MAD1L1: variants seen among roughly 807,000 people sequenced by gnomAD.
MAD1L1 encodes the protein mitotic arrest deficient 1 like 1, also known as mitotic spindle assembly checkpoint protein MAD1.
A neutral mutation model predicts 96.9 loss-of-function variants in MAD1L1; 95 were observed. That is an observed-to-expected ratio of 0.98 (90% CI 0.83 to 1.16). The LOEUF is 1.16. Among genes scored for constraint, MAD1L1 ranks in the 50% most tolerant of loss-of-function variants. The pLI, the probability that MAD1L1 is intolerant of heterozygous loss-of-function variation, is 0.00. For synonymous variants in MAD1L1, 473 were observed against 396.6 expected (o/e 1.19, Z -2.29); for missense variants, 1,007 against 954.4 (o/e 1.06, Z -0.73).
intron 13 of MAD1L1, among the ~76,000 whole-genome samples, chr7:2,003,245 G>A (rs1189807725): frequency 6.6e-6 from 1 of 152,226 alleles, no homozygotes; most frequent in Non-Finnish European, 1.5e-5. Context: ...ACGGGAGAGA[G>A]GCGGGGAGGC....
intron 5 of MAD1L1, among the ~76,000 whole-genome samples, chr7:2,220,503 G>C (rs868269025): frequency 6.6e-6 from 1 of 152,218 alleles, no homozygotes; most frequent in South Asian, 2.1e-4. Context: ...GTTAACACAC[G>C]GAAACACACG....
chr7:2,174,906 G>A (rs1484038095), intron 10 of MAD1L1, among the ~76,000 whole-genome samples: 1 of 152,138 alleles, frequency 6.6e-6, no homozygotes, highest in Admixed American at 6.5e-5. Context: ...ATGTCTAGGA[G>A]GCTCTGAATG....
intron 5 of MAD1L1, among the ~76,000 whole-genome samples, chr7:2,220,201 G>T (rs148982732): frequency 6.6e-6 from 1 of 152,200 alleles, no homozygotes; most frequent in Non-Finnish European, 1.5e-5. Flanking sequence ...GAGGCCGTGC[G>T]CTTGGAACGG....
intron 18 of MAD1L1, among the ~76,000 whole-genome samples, chr7:1,851,923 G>C (rs1468378596): frequency 1.3e-5 from 2 of 152,196 alleles, no homozygotes; most frequent in Non-Finnish European, 2.9e-5. Context: ...CAGAAACAAT[G>C]GGTGGGACCA....
At chr7:1,955,788 G>C (rs535615362) in intron 16 of MAD1L1, among the ~76,000 whole-genome samples, 2 of 152,208 alleles carry the variant, frequency 1.3e-5, no homozygotes, top group Non-Finnish European at 2.9e-5. Context: ...TGTTTTTAGG[G>C]TTGTCCTGTT....
rs180688173 is a variant in MAD1L1, at chr7:1,967,591, C to A, written c.1506-9872G>T. On this transcript the variant is annotated intron_variant, in intron 15 of 18. Coordinates refer to ENST00000265854, the MANE Select transcript of MAD1L1 (RefSeq NM_001013836.2). ...AGCCACAGGCATACCCAGACCCTGACCTGGGCTGCTCAGGACTGTGCTGCC... is the reference window on the plus strand; with the variant it reads ...AGCCACAGGCATACCCAGACCCTGAACTGGGCTGCTCAGGACTGTGCTGCC... Among the ~76,000 whole-genome samples, 316 of 152,336 alleles carry A rather than the reference C, an allele frequency of 2.1e-3. 5 individuals are homozygous for A. The highest frequency in any genetic ancestry group is 0.014 in the Admixed American group (210 of 15,300).
At chr7:1,933,536 C>A (rs1413032962) in intron 17 of MAD1L1, among the ~76,000 whole-genome samples, 1 of 152,212 alleles carries the variant, frequency 6.6e-6, no homozygotes, top group Non-Finnish European at 1.5e-5. Flanking sequence ...GGTCCACAAA[C>A]GCGCTGAGCA....
chr7:2,077,098 G>A (rs73672088), intron 11 of MAD1L1, among the ~76,000 whole-genome samples: 12 of 135,712 alleles, frequency 8.8e-5, no homozygotes, highest in East Asian at 2.4e-4. Context: ...TGGTGAGCCC[G>A]CGGCATGGTG....
chr7:2,117,221 G>C (rs73673201), intron 11 of MAD1L1, among the ~76,000 whole-genome samples: 5,182 of 152,280 alleles, frequency 0.034, 182 homozygotes, highest in East Asian at 0.089. Context: ...TCAGGGAGGA[G>C]CAAGGCTCTG....
At chr7:2,022,986 C>T (rs56016843) in intron 12 of MAD1L1, among the ~76,000 whole-genome samples, 5,947 of 152,304 alleles carry the variant, frequency 0.039, 174 homozygotes, top group East Asian at 0.088. Context: ...TCCAAGAAGA[C>T]ATGACCGCCC....
intron 13 of MAD1L1, among the ~76,000 whole-genome samples, chr7:2,010,807 C>T (rs1297142285): frequency 1.3e-5 from 2 of 152,136 alleles, no homozygotes; most frequent in African/African-American, 4.8e-5. Context: ...TCACCTGCCC[C>T]GAGAGGCGCC....
At chr7:1,925,497 C>T (rs959878549) in intron 17 of MAD1L1, among the ~76,000 whole-genome samples, 23 of 152,172 alleles carry the variant, frequency 1.5e-4, no homozygotes, top group Non-Finnish European at 4.4e-5. Context: ...TTTCCTGAGG[C>T]GCCATCACAT....
chr7:1,950,502 C>A (rs190215167), intron 16 of MAD1L1, among the ~76,000 whole-genome samples: 1 of 152,198 alleles, frequency 6.6e-6, no homozygotes, highest in African/African-American at 2.4e-5. Context: ...AGGTAATCTG[C>A]GGAGGGCGAC....
intron 15 of MAD1L1, among the ~76,000 whole-genome samples, chr7:1,980,182 G>A (rs1780828805): frequency 6.6e-6 from 1 of 152,280 alleles, no homozygotes; most frequent in East Asian, 1.9e-4. Flanking sequence ...ACCTGAGCGT[G>A]CGCACCTCCC....
chr7:2,019,412 G>A (rs919212272), intron 12 of MAD1L1, among the ~76,000 whole-genome samples: 14 of 152,310 alleles, frequency 9.2e-5, no homozygotes, highest in Middle Eastern at 3.4e-3. Context: ...GACCCACGCG[G>A]GTCAGACAGT....
chr7:2,066,135 A>G (rs1181280190), intron 12 of MAD1L1, among the ~76,000 whole-genome samples: 1 of 152,240 alleles, frequency 6.6e-6, no homozygotes, highest in Non-Finnish European at 1.5e-5. Flanking sequence ...ACACACTCCA[A>G]GCACCGTGTA....
At chr7:2,179,757 G>A (rs932921464) in intron 10 of MAD1L1, among the ~76,000 whole-genome samples, 1 of 152,062 alleles carries the variant, frequency 6.6e-6, no homozygotes, top group Non-Finnish European at 1.5e-5. Context: ...ATCACCTGAG[G>A]TCAGGAGTTT....
chr7:1,903,221 G>A (rs1406697704), intron 17 of MAD1L1, among the ~76,000 whole-genome samples: 1 of 150,428 alleles, frequency 6.6e-6, no homozygotes, highest in Non-Finnish European at 1.5e-5. Flanking sequence ...CATGATTGAT[G>A]AAGCACTGTT....
chr7:1,937,173 G>T (rs2128464139), intron 16 of MAD1L1, among the ~76,000 whole-genome samples: 1 of 152,330 alleles, frequency 6.6e-6, no homozygotes, highest in South Asian at 2.1e-4. Flanking sequence ...GAGGGGACAT[G>T]CGGCCTTTGC....
Sources: gnomAD v4.1 joint callset for allele counts (sites outside exome capture counted in the v4.1 genomes callset) on GRCh38, gnomAD v4.1.1 for gene constraint, MANE v1.5 for transcripts, NCBI Gene and HGNC (gene_info 2026-07-23, HGNC 2026-07-21) for gene names.